The following AGBL4 variants were observed in gnomAD, a reference collection of about 807,000 sequenced individuals.
The protein encoded by AGBL4 is AGBL carboxypeptidase 4, also known as cytosolic carboxypeptidase 6.
Under a neutral mutation model 66.4 loss-of-function variants are expected in AGBL4, and 58 were observed. That is an observed-to-expected ratio of 0.87 (90% CI 0.71 to 1.09). AGBL4 has a LOEUF of 1.09. AGBL4 is among the 50% of genes least tolerant of loss of function. The pLI is 0.00. For synonymous variants in AGBL4, 234 were observed against 222.9 expected (o/e 1.05, Z -0.44); for missense variants, 579 against 631.0 (o/e 0.92, Z 0.88).
At chr1:49,194,223 G>T (rs1268271276) in intron 4 of AGBL4, among the ~76,000 whole-genome samples, 1 of 151,940 alleles carries the variant, frequency 6.6e-6, no homozygotes, top group Non-Finnish European at 1.5e-5. Context: ...ACTTAGGGTT[G>T]TTATATTCTG....
intron 6 of AGBL4, among the ~76,000 whole-genome samples, chr1:48,860,026 TG>T (rs1647342163): frequency 6.6e-6 from 1 of 152,226 alleles, no homozygotes; most frequent in South Asian, 2.1e-4. Flanking sequence ...ATAGTTTATA[TG>T]GTATCATTCA....
At chr1:49,587,309 A>C (rs1329161664) in intron 3 of AGBL4, among the ~76,000 whole-genome samples, 1 of 151,902 alleles carries the variant, frequency 6.6e-6, no homozygotes, top group Non-Finnish European at 1.5e-5. Flanking sequence ...AAAAGAGAAG[A>C]GAAGAGAAGA....
chr1:48,770,664 G>A (rs1224113823), intron 6 of AGBL4, among the ~76,000 whole-genome samples: 2 of 152,060 alleles, frequency 1.3e-5, no homozygotes, highest in African/African-American at 4.8e-5. Flanking sequence ...GATGTTCCAT[G>A]GGCCCTTAAG....
intron 5 of AGBL4, among the ~76,000 whole-genome samples, chr1:49,016,744 T>C (rs1662855858): frequency 6.6e-6 from 1 of 152,228 alleles, no homozygotes; most frequent in Non-Finnish European, 1.5e-5. Flanking sequence ...GGGATCTGCC[T>C]TCCCAGCTGT....
chr1:49,928,142 A>T (rs548299284), intron 1 of AGBL4, among the ~76,000 whole-genome samples: 1 of 152,366 alleles, frequency 6.6e-6, no homozygotes, highest in African/African-American at 2.4e-5. Context: ...ATTAAGACAC[A>T]GAAACAGAAA....
intron 3 of AGBL4, among the ~76,000 whole-genome samples, chr1:49,644,725 G>A (rs925051697): frequency 6.6e-6 from 1 of 151,396 alleles, no homozygotes; most frequent in Non-Finnish European, 1.5e-5. Context: ...TAGAAAATCA[G>A]GAAGGATGCA....
chr1:49,807,022 C>A (rs1345602073), intron 2 of AGBL4, among the ~76,000 whole-genome samples: 1 of 152,166 alleles, frequency 6.6e-6, no homozygotes, highest in Non-Finnish European at 1.5e-5. Context: ...CTACCTCCAT[C>A]TAGATTTTGG....
chr1:49,844,939 A>T, intron 2 of AGBL4: 3 of 1,363,092 alleles, frequency 2.2e-6, no homozygotes, highest in Non-Finnish European at 3.1e-6. Context: ...TGGGGAAAAC[A>T]GAAGTCTGAA....
intron 5 of AGBL4, among the ~76,000 whole-genome samples, chr1:48,912,098 T>C (rs890598158): frequency 6.6e-6 from 1 of 152,194 alleles, no homozygotes; most frequent in Non-Finnish European, 1.5e-5. Flanking sequence ...CCAGACACTA[T>C]GCTAGCCACG....
chr1:49,336,074 C>T (rs866113159), intron 3 of AGBL4, among the ~76,000 whole-genome samples: 42 of 152,126 alleles, frequency 2.8e-4, no homozygotes, highest in Middle Eastern at 6.8e-3. Flanking sequence ...CTTAAAATCC[C>T]AGGATCTGCA....
intron 3 of AGBL4, among the ~76,000 whole-genome samples, chr1:49,546,320 C>T (rs1652479579): frequency 6.7e-6 from 1 of 149,366 alleles, no homozygotes; most frequent in African/African-American, 2.5e-5. Context: ...TATGTATATT[C>T]CATCATATAT....
chr1:49,274,913 T>G (rs1454617912), intron 3 of AGBL4, among the ~76,000 whole-genome samples: 4 of 152,214 alleles, frequency 2.6e-5, no homozygotes, highest in African/African-American at 9.6e-5. Context: ...TTAAGAAAAC[T>G]TTTTTGAACT....
intron 5 of AGBL4, among the ~76,000 whole-genome samples, chr1:48,984,606 T>TA (rs1196118809): frequency 3.9e-4 from 59 of 149,776 alleles, no homozygotes; most frequent in Admixed American, 1.3e-3. Context: ...AGTAAAAAAT[T>TA]AAAAAAAACC....
chr1:49,986,383 G>T (rs944599601), intron 1 of AGBL4, among the ~76,000 whole-genome samples: 19 of 151,966 alleles, frequency 1.3e-4, no homozygotes, highest in Non-Finnish European at 4.4e-5. Flanking sequence ...TCTCATTGCT[G>T]TGAAGTATTA....
chr1:49,076,003 A>AT (rs1307670327), intron 4 of AGBL4, among the ~76,000 whole-genome samples: 1 of 152,208 alleles, frequency 6.6e-6, no homozygotes, highest in Non-Finnish European at 1.5e-5. Context: ...TATAAGATCT[A>AT]ATCTAATGCC....
chr1:49,990,701 C>T (rs190182927), intron 1 of AGBL4, among the ~76,000 whole-genome samples: 54 of 152,216 alleles, frequency 3.5e-4, no homozygotes, highest in South Asian at 2.5e-3. Context: ...GATCTGTCAC[C>T]GATTAGCCAT....
At chr1:49,722,787 C>T (rs1461605617) in intron 2 of AGBL4, among the ~76,000 whole-genome samples, 1 of 152,110 alleles carries the variant, frequency 6.6e-6, no homozygotes, top group Non-Finnish European at 1.5e-5. Flanking sequence ...AAGATTTTTA[C>T]ATTAACTTCT....
At chr1:49,818,567 A>G (rs548171906) in intron 2 of AGBL4, among the ~76,000 whole-genome samples, 3 of 151,844 alleles carry the variant, frequency 2.0e-5, no homozygotes, top group East Asian at 1.9e-4. Context: ...GAGTCTCCCT[A>G]TGTTTCCCAG....
At chr1:48,727,620 G>A (rs542743583) in intron 6 of AGBL4, 4 of 262,696 alleles carry the variant, frequency 1.5e-5, no homozygotes, top group Non-Finnish European at 2.9e-5. Flanking sequence ...CAAGTGACAG[G>A]CAACTCAGGC....
Sources: gnomAD v4.1 joint callset for allele counts (sites outside exome capture counted in the v4.1 genomes callset) on GRCh38, gnomAD v4.1.1 for gene constraint, MANE v1.5 for transcripts, NCBI Gene and HGNC (gene_info 2026-07-23, HGNC 2026-07-21) for gene names.